WDR72: variants seen among roughly 807,000 people sequenced by gnomAD.
The protein encoded by WDR72 is WD repeat-containing protein 72.
Under a neutral mutation model 124.2 loss-of-function variants are expected in WDR72, and 120 were observed. That is an observed-to-expected ratio of 0.97 (90% confidence interval 0.83 to 1.12). The LOEUF (loss-of-function observed/expected upper bound fraction) is 1.12. WDR72 is among the 50% of genes most tolerant of loss of function. WDR72 has a pLI of 0.00. For missense variants in WDR72, 1,387 were observed against 1,278.8 expected, an observed-to-expected ratio of 1.08 and a Z score of -1.29; for synonymous variants, 452 against 441.7, an observed-to-expected ratio of 1.02 and a Z score of -0.29.
At chr15:53,677,035 C>T (rs2016197501) in intron 13 of WDR72, among the ~76,000 whole-genome samples, 2 of 151,700 alleles carry the variant, frequency 1.3e-5, no homozygotes, top group South Asian at 2.1e-4. Context: ...ATTCTCCTGC[C>T]TCAGCCTCCC....
Position 53,688,594 on chromosome 15 carries a change from C to T in WDR72, c.1765+11156G>A, listed in dbSNP as rs927832398. Among the ~76,000 whole-genome samples the T allele has an allele frequency of 2.0e-5, 3 of 152,190 alleles. No homozygotes were observed. In the East Asian group the frequency reaches 5.8e-4, roughly 29 times the overall value. On this transcript the variant is annotated intron_variant, in intron 13 of 19. Transcript: ENST00000360509. ...CAAACAAATGGAAGAACATTCCATGCTCATGGGTAGGAAGAATCAATATCG... is the reference window on the plus strand; with the variant it reads ...CAAACAAATGGAAGAACATTCCATGTTCATGGGTAGGAAGAATCAATATCG...
intron 1 of WDR72, among the ~76,000 whole-genome samples, chr15:53,750,032 T>C (rs934215773): frequency 2.0e-5 from 3 of 152,200 alleles, no homozygotes; most frequent in African/African-American, 7.2e-5. Context: ...GAAAGTTATC[T>C]AGAAGCTCTA....
At chr15:53,591,264 G>T (rs189357129) in intron 18 of WDR72, among the ~76,000 whole-genome samples, 1 of 152,162 alleles carries the variant, frequency 6.6e-6, no homozygotes, top group Admixed American at 6.6e-5. Flanking sequence ...CTCAGCTAAA[G>T]AATTTCAGTT....
At chr15:53,523,995 G>A (rs1440212193) in intron 18 of WDR72, among the ~76,000 whole-genome samples, 1 of 152,006 alleles carries the variant, frequency 6.6e-6, no homozygotes, top group Non-Finnish European at 1.5e-5. Context: ...TAAACCCATG[G>A]TACCGACTAA....
chr15:53,604,635 GA>G lies in WDR72; in HGVS notation c.2952+4877del, dbSNP rs576846076. ...ACAAAGAACTTAAACAAATTTACAA[GA>G]AAAAAAACTCTATTAAAACATGGGC... On this transcript the variant is annotated intron_variant, in intron 17 of 19. Transcript: ENST00000360509. Among the ~76,000 whole-genome samples the G allele has an allele frequency of 2.0e-4, 30 of 151,648 alleles. 1 individual carries two copies. The South Asian group carries it at 3.1e-3, about 16-fold the overall frequency.
chr15:53,572,923 T>C (rs1894601616), intron 18 of WDR72, among the ~76,000 whole-genome samples: 1 of 152,162 alleles, frequency 6.6e-6, no homozygotes, highest in Admixed American at 6.5e-5. Context: ...TCCATAGGGA[T>C]TGGGTTTTAC....
At chr15:53,717,141 T>C (rs929055718) in intron 3 of WDR72, among the ~76,000 whole-genome samples, 1 of 152,182 alleles carries the variant, frequency 6.6e-6, no homozygotes, top group Non-Finnish European at 1.5e-5. Flanking sequence ...TGGTCTATCA[T>C]CGATAACAGT....
chr15:53,619,098 A>AT (rs2013884763), intron 14 of WDR72, among the ~76,000 whole-genome samples: 1 of 151,958 alleles, frequency 6.6e-6, no homozygotes, highest in South Asian at 2.1e-4. Context: ...CAAAATGGTC[A>AT]TTTTTATAGA....
chr15:53,656,115 C>T (rs910950386), intron 14 of WDR72, among the ~76,000 whole-genome samples: 2 of 152,200 alleles, frequency 1.3e-5, no homozygotes, highest in African/African-American at 4.8e-5. Context: ...CATAAGAAAG[C>T]CCCTGCTGCT....
chr15:53,749,287 C>T (rs1381380562), intron 1 of WDR72, among the ~76,000 whole-genome samples: 1 of 152,094 alleles, frequency 6.6e-6, no homozygotes, highest in Non-Finnish European at 1.5e-5. Flanking sequence ...TGGTAATTCT[C>T]ATAATATTTC....
intron 14 of WDR72, among the ~76,000 whole-genome samples, chr15:53,659,914 C>G (rs951657103): frequency 6.6e-6 from 1 of 152,040 alleles, no homozygotes. Context: ...TTAGGTACTA[C>G]AGTTTTAAGT....
chr15:53,750,905 T>C (rs1025707050), intron 1 of WDR72, among the ~76,000 whole-genome samples: 1 of 152,284 alleles, frequency 6.6e-6, no homozygotes, highest in South Asian at 2.1e-4. Flanking sequence ...CTGCTTCTTA[T>C]GAATGAGCAA....
At chr15:53,711,935 T>C (rs2017551373) in intron 7 of WDR72, among the ~76,000 whole-genome samples, 1 of 152,214 alleles carries the variant, frequency 6.6e-6, no homozygotes, top group South Asian at 2.1e-4. Context: ...TAAAAAACTT[T>C]AAAGAAAAAT....
At chr15:53,632,179 G>C (rs2014454750) in intron 14 of WDR72, among the ~76,000 whole-genome samples, 1 of 151,926 alleles carries the variant, frequency 6.6e-6, no homozygotes, top group South Asian at 2.1e-4. Context: ...CCAGGACCAG[G>C]GCCCACTGTC....
intron 19 of WDR72, among the ~76,000 whole-genome samples, chr15:53,519,753 C>T (rs1891680918): frequency 6.6e-6 from 1 of 151,984 alleles, no homozygotes; most frequent in South Asian, 2.1e-4. Context: ...ATCACAATGG[C>T]ATGATGAATA....
chr15:53,630,410 A>G (rs894788490), intron 14 of WDR72, among the ~76,000 whole-genome samples: 12 of 152,172 alleles, frequency 7.9e-5, no homozygotes, highest in African/African-American at 2.7e-4. Flanking sequence ...ATATCACAAG[A>G]TAAGAAAAGT....
chr15:53,722,790 T>G lies in WDR72; in HGVS notation c.260+12A>C, dbSNP rs2017913752. On this transcript the variant is annotated intron_variant, in intron 3 of 19. Coordinates refer to ENST00000360509, the MANE Select transcript of WDR72 (RefSeq NM_182758.4). Reference sequence around the variant, plus strand: ...AATGGAGAAGGGGACAAAGTTTACATACCATACCTACCCATTTTCAGCAGC... The same window carrying G: ...AATGGAGAAGGGGACAAAGTTTACAGACCATACCTACCCATTTTCAGCAGC... 1 of 1,611,490 alleles carries G rather than the reference T, an allele frequency of 6.2e-7. No individual in the cohort carries two copies. Among genetic ancestry groups the G allele is most frequent in the African/African-American group, 1.3e-5 (1 of 74,596 alleles).
At chr15:53,625,878 T>G (rs558491869) in intron 14 of WDR72, among the ~76,000 whole-genome samples, 1 of 152,320 alleles carries the variant, frequency 6.6e-6, no homozygotes, top group South Asian at 2.1e-4. Context: ...ACTGATTTAT[T>G]TTCTTTTTCC....
intron 14 of WDR72, among the ~76,000 whole-genome samples, chr15:53,659,353 C>T (rs1160149366): frequency 6.6e-6 from 1 of 152,154 alleles, no homozygotes; most frequent in East Asian, 1.9e-4. Flanking sequence ...TCCCCACCGG[C>T]ACGTGCTGCA....
Sources: allele counts gnomAD v4.1 joint callset (sites outside exome capture counted in the v4.1 genomes callset), GRCh38; gene constraint gnomAD v4.1.1; transcripts MANE v1.5; gene names NCBI Gene and HGNC (gene_info 2026-07-23, HGNC 2026-07-21).